The following PPP3CA variants were observed in gnomAD, a reference collection of about 807,000 sequenced individuals.
PPP3CA encodes the protein protein phosphatase 3 catalytic subunit alpha.
A neutral mutation model predicts 66.5 loss-of-function variants in PPP3CA; 14 were observed. The observed-to-expected ratio is 0.21, with a 90% confidence interval of 0.14 to 0.33. The LOEUF is 0.33. Among genes scored for constraint, PPP3CA ranks in the 10% least tolerant of loss-of-function variants. The pLI, the probability that PPP3CA is intolerant of heterozygous loss-of-function variation, is 1.00. For missense variants in PPP3CA, 317 were observed against 639.5 expected (o/e 0.50, Z 5.44); for synonymous variants, 232 against 226.2 (o/e 1.03, Z -0.23).
At chr4:101,264,557 T>C (rs2110259339) in intron 1 of PPP3CA, among the ~76,000 whole-genome samples, 1 of 152,294 alleles carries the variant, frequency 6.6e-6, no homozygotes, top group Admixed American at 6.5e-5. Context: ...AGCAAGCAAT[T>C]ACTATTTAAC....
chr4:101,073,521 C>T (rs534935890), intron 8 of PPP3CA, among the ~76,000 whole-genome samples: 8 of 152,016 alleles, frequency 5.3e-5, no homozygotes, highest in Non-Finnish European at 2.9e-5. Flanking sequence ...ATGATCTGCC[C>T]GCCTCAGCCT....
At chr4:101,029,722 A>T (rs1726851911) in intron 12 of PPP3CA, among the ~76,000 whole-genome samples, 1 of 151,490 alleles carries the variant, frequency 6.6e-6, no homozygotes, top group Admixed American at 6.6e-5. Flanking sequence ...AGGGAGATTC[A>T]AATTTAAAGG....
At position 101,124,717 on chromosome 4, in the gene PPP3CA, GAAAGAAAGAGAAAGAA is replaced by G. The variant is rs1722161287; in HGVS notation, c.260-15655_260-15640del. Among the ~76,000 whole-genome samples, 515 of 80,028 alleles carry G rather than the reference GAAAGAAAGAGAAAGAA, an allele frequency of 6.4e-3. 2 individuals carry two copies. Among genetic ancestry groups the G allele is most frequent in the Middle Eastern group, 0.026 (4 of 156 alleles). The allele number at this position is 80,028 out of a possible 152,430, so 52.5% of individuals were successfully genotyped here. On this transcript the variant is annotated intron_variant, in intron 2 of 13. Transcript: ENST00000394854. ...AGAAAGAAAGAAAGAAAGAAAGAAA[GAAAGAAAGAGAAAGAA>G]AGAAAGAAAGAAAGAAAGAAAGAAA...
chr4:101,088,789 T>C (rs571274465), intron 6 of PPP3CA, among the ~76,000 whole-genome samples: 64 of 152,044 alleles, frequency 4.2e-4, no homozygotes, highest in African/African-American at 1.5e-3. Context: ...GTGATTTCAA[T>C]AGACTAAAAA....
chr4:101,218,635 A>G lies in PPP3CA; in HGVS notation c.59-22519T>C, dbSNP rs547451368. 1.6e-3 allele frequency among the ~76,000 whole-genome samples: 239 copies of G among 152,234 alleles called. 2 individuals are homozygous for G. The highest frequency in any genetic ancestry group is 5.4e-3 in the African/African-American group (225 of 41,566). ...AGAAACAATTCATTTAGAAAAAACA[A>G]AGGAAAAAAATTATGTATAATAACG... On this transcript the variant is annotated intron_variant, in intron 1 of 13. Coordinates refer to ENST00000394854, the MANE Select transcript of PPP3CA (RefSeq NM_000944.5).
rs1308779365 is a variant in PPP3CA, at chr4:101,174,038, T to C, written c.259+21878A>G. 3.3e-5 allele frequency among the ~76,000 whole-genome samples: 5 copies of C among 151,784 alleles called. No homozygotes were observed. In the East Asian group the frequency reaches 7.7e-4, roughly 23 times the overall value. On this transcript the variant is annotated intron_variant, in intron 2 of 13. Coordinates refer to ENST00000394854, the MANE Select transcript of PPP3CA (RefSeq NM_000944.5). ...CTGAACTCCAGCCCGGGCAACAGAA[T>C]GAGACCCTTTCTTAAAACAAATAAA...
At chr4:101,061,506 C>T (rs1463484406) in intron 9 of PPP3CA, among the ~76,000 whole-genome samples, 5 of 152,040 alleles carry the variant, frequency 3.3e-5, no homozygotes, top group African/African-American at 1.2e-4. Flanking sequence ...AAGGCTTAAT[C>T]TAGATCAGAT....
chr4:101,114,345 T>C (rs1248756473), intron 2 of PPP3CA, among the ~76,000 whole-genome samples: 3 of 152,138 alleles, frequency 2.0e-5, no homozygotes, highest in Admixed American at 6.6e-5. Flanking sequence ...TTACTATTCA[T>C]ATCTGTTAGC....
chr4:101,344,633 G>A (rs1374402143), intron 1 of PPP3CA, among the ~76,000 whole-genome samples: 1 of 152,008 alleles, frequency 6.6e-6, no homozygotes, highest in Non-Finnish European at 1.5e-5. Context: ...ATTTATAATG[G>A]TACAGTATTG....
chr4:101,290,897 A>G (rs1728002307), intron 1 of PPP3CA, among the ~76,000 whole-genome samples: 1 of 152,210 alleles, frequency 6.6e-6, no homozygotes. Context: ...GCATGCAAAT[A>G]AAATCAGAGT....
chr4:101,176,484 T>C (rs930195116), intron 2 of PPP3CA, among the ~76,000 whole-genome samples: 2 of 152,154 alleles, frequency 1.3e-5, no homozygotes, highest in African/African-American at 4.8e-5. Flanking sequence ...TTCAGCACTT[T>C]CCAGCTGTGA....
At chr4:101,073,228 CGTGTGT>C (rs74947807) in intron 8 of PPP3CA, among the ~76,000 whole-genome samples, 11 of 143,778 alleles carry the variant, frequency 7.7e-5, no homozygotes, top group South Asian at 4.4e-4. Flanking sequence ...TATATATATA[CGTGTGT>C]GTGTGTGTGT....
At chr4:101,208,205 T>G (rs983730275) in intron 1 of PPP3CA, among the ~76,000 whole-genome samples, 1 of 152,106 alleles carries the variant, frequency 6.6e-6, no homozygotes, top group South Asian at 2.1e-4. Context: ...AAATGTAAGA[T>G]ATAGGATATG....
At chr4:101,139,712 T>C (rs1194502782) in intron 2 of PPP3CA, among the ~76,000 whole-genome samples, 5 of 149,792 alleles carry the variant, frequency 3.3e-5, no homozygotes, top group African/African-American at 1.2e-4. Context: ...TTTTTTTTTT[T>C]TTTTTGTCGT....
chr4:101,097,309 C>T (rs1730238342), intron 5 of PPP3CA, among the ~76,000 whole-genome samples: 1 of 152,034 alleles, frequency 6.6e-6, no homozygotes, highest in Admixed American at 6.6e-5. Flanking sequence ...GAATTATTTT[C>T]ACCCCTCTGT....
intron 1 of PPP3CA, among the ~76,000 whole-genome samples, chr4:101,338,933 A>C (rs1478707692): frequency 6.6e-6 from 1 of 152,260 alleles, no homozygotes; most frequent in African/African-American, 2.4e-5. Context: ...TTAAGAATAT[A>C]TCTTGCTTTT....
At chr4:101,117,357 G>C (rs1231192955) in intron 2 of PPP3CA, among the ~76,000 whole-genome samples, 5 of 151,580 alleles carry the variant, frequency 3.3e-5, no homozygotes, top group African/African-American at 1.2e-4. Flanking sequence ...TATGACCACA[G>C]TGTACTATTG....
chr4:101,300,514 G>A (rs886544311), intron 1 of PPP3CA, among the ~76,000 whole-genome samples: 7 of 152,052 alleles, frequency 4.6e-5, no homozygotes, highest in Non-Finnish European at 8.8e-5. Flanking sequence ...CTTTTTGCCA[G>A]CCAGGTGTGG....
In PPP3CA at chr4:101,346,183, CAGGGGG is replaced by C. The variant is rs1254116194; in HGVS notation, c.58+550_58+555del. ...CTCGCGAGTCCTGTGCAGGCCCTTC[CAGGGGG>C]AGGGGGAGGGGGAGGGGGGCGCGGA... On this transcript the variant is annotated intron_variant, in intron 1 of 13. Coordinates refer to ENST00000394854, the MANE Select transcript of PPP3CA (RefSeq NM_000944.5). Among the ~76,000 whole-genome samples the C allele has an allele frequency of 1.8e-3, 274 of 151,832 alleles. 3 individuals carry two copies. Among genetic ancestry groups the C allele is most frequent in the African/African-American group, 5.6e-3 (232 of 41,462 alleles).
Sources: allele counts gnomAD v4.1 joint callset (sites outside exome capture counted in the v4.1 genomes callset), GRCh38; gene constraint gnomAD v4.1.1; transcripts MANE v1.5; gene names NCBI Gene and HGNC (gene_info 2026-07-23, HGNC 2026-07-21).